Variants in LDB2 observed in about 807,000 individuals in gnomAD.
LDB2 encodes the protein LIM domain-binding protein 2.
In LDB2, 12 loss-of-function variants were observed where a neutral mutation model predicts 44.3. That is an observed-to-expected ratio of 0.27 (90% CI 0.17 to 0.44). The LOEUF is 0.44. Ranked by LOEUF, LDB2 falls within the 20% of genes least tolerant of loss-of-function variation. The pLI, the probability that LDB2 is intolerant of heterozygous loss-of-function variation, is 1.00. For missense variants in LDB2, 344 were observed against 473.5 expected (o/e 0.73, Z 2.54); for synonymous variants, 164 against 174.8 (o/e 0.94, Z 0.49).
At chr4:16,696,395 T>C (rs973211414) in intron 2 of LDB2, among the ~76,000 whole-genome samples, 1 of 152,128 alleles carries the variant, frequency 6.6e-6, no homozygotes, top group South Asian at 2.1e-4. Context: ...TTAGCCAAAA[T>C]GAAGAAAAAA....
At chr4:16,620,007 T>C (rs1578250897) in intron 2 of LDB2, among the ~76,000 whole-genome samples, 1 of 152,190 alleles carries the variant, frequency 6.6e-6, no homozygotes, top group Non-Finnish European at 1.5e-5. Context: ...CTGCAGCTAG[T>C]GTAGGAGGAT....
intron 1 of LDB2, among the ~76,000 whole-genome samples, chr4:16,862,560 G>T (rs1217395425): frequency 6.9e-6 from 1 of 143,948 alleles, no homozygotes; most frequent in East Asian, 2.1e-4. Flanking sequence ...TTGAACCCCG[G>T]AAGTGGAGGT....
At chr4:16,863,774 C>A (rs564146575) in intron 1 of LDB2, among the ~76,000 whole-genome samples, 1 of 151,166 alleles carries the variant, frequency 6.6e-6, no homozygotes, top group African/African-American at 2.4e-5. Flanking sequence ...CATTCTCCTG[C>A]CTCAGCCTTC....
intron 1 of LDB2, among the ~76,000 whole-genome samples, chr4:16,810,149 C>T (rs1011275269): frequency 6.6e-6 from 1 of 152,138 alleles, no homozygotes; most frequent in South Asian, 2.1e-4. Context: ...TTAATTCTTC[C>T]TTGCTGTCAA....
At chr4:16,881,002 C>T (rs1561526031) in intron 1 of LDB2, among the ~76,000 whole-genome samples, 1 of 151,924 alleles carries the variant, frequency 6.6e-6, no homozygotes, top group South Asian at 2.1e-4. Flanking sequence ...GTGGTGTGAC[C>T]CTCACAGTGG....
At chr4:16,633,355 G>T (rs4698499) in intron 2 of LDB2, among the ~76,000 whole-genome samples, 133,298 of 152,002 alleles carry the variant, frequency 0.88, 58,481 homozygotes, top group Admixed American at 0.93. Context: ...GTTAATGGGT[G>T]CAGCACACCA....
At chr4:16,671,789 C>T (rs10031087) in intron 2 of LDB2, among the ~76,000 whole-genome samples, 39,619 of 151,860 alleles carry the variant, frequency 0.26, 5,293 homozygotes, top group East Asian at 0.41. Flanking sequence ...TAACCATCCA[C>T]CGAGAGCTCC....
Position 16,865,565 on chromosome 4 carries a change from G to A in LDB2, c.132+32789C>T, listed in dbSNP as rs765613122. 1.1e-4 allele frequency among the ~76,000 whole-genome samples: 17 copies of A among 152,216 alleles called. 1 individual carries two copies. Among genetic ancestry groups the A allele is most frequent in the Middle Eastern group, 3.4e-3 (1 of 294 alleles). On this transcript the variant is annotated intron_variant, in intron 1 of 7. Coordinates refer to ENST00000304523, the MANE Select transcript of LDB2 (RefSeq NM_001290.5). ...GCCTCCAAGAGAAGGGCCATTTTCC[G>A]TCTGGTAAATGTGTCCATGTCCCTT...
At chr4:16,614,299 C>T (rs1283281775) in intron 2 of LDB2, among the ~76,000 whole-genome samples, 2 of 151,990 alleles carry the variant, frequency 1.3e-5, no homozygotes, top group Admixed American at 1.3e-4. Context: ...AATGTAAAAC[C>T]CAAAACCATA....
intron 2 of LDB2, among the ~76,000 whole-genome samples, chr4:16,638,845 G>A (rs966533395): frequency 8.4e-6 from 1 of 118,704 alleles, no homozygotes; most frequent in Admixed American, 9.8e-5. Context: ...AGAGCAATGT[G>A]TCCTGTGATA....
chr4:16,645,564 A>AAG (rs1736563987), intron 2 of LDB2, among the ~76,000 whole-genome samples: 1 of 140,720 alleles, frequency 7.1e-6, no homozygotes, highest in South Asian at 2.3e-4. Context: ...AAAAAAAAAA[A>AAG]GGATTGGTTA....
At position 16,758,596 on chromosome 4, in the gene LDB2, T is replaced by C. The variant is rs1348842829; in HGVS notation, c.235+562A>G. Among the ~76,000 whole-genome samples the C allele has an allele frequency of 2.6e-5, 4 of 152,324 alleles. No individual in the cohort carries two copies. The East Asian group carries it at 7.7e-4, about 29-fold the overall frequency. On this transcript the variant is annotated intron_variant, in intron 2 of 7. Coordinates refer to ENST00000304523, the MANE Select transcript of LDB2 (RefSeq NM_001290.5). ...CCACACGCTGTAATTTGAGGATCTT[T>C]ACAGAGTTATCACTCGCCTGAAAGA...
intron 2 of LDB2, among the ~76,000 whole-genome samples, chr4:16,703,060 G>T (rs1346458307): frequency 6.6e-6 from 1 of 152,122 alleles, no homozygotes. Flanking sequence ...CATTTATCCA[G>T]CGTCTTCTGT....
At chr4:16,786,519 G>A (rs960315631) in intron 1 of LDB2, among the ~76,000 whole-genome samples, 6 of 152,048 alleles carry the variant, frequency 3.9e-5, no homozygotes, top group African/African-American at 1.4e-4. Context: ...CTGGAGCCTG[G>A]GAATGCAAAC....
intron 1 of LDB2, among the ~76,000 whole-genome samples, chr4:16,888,235 A>G (rs1722323813): frequency 6.6e-6 from 1 of 152,208 alleles, no homozygotes; most frequent in South Asian, 2.1e-4. Context: ...TGGGGCCCCC[A>G]TTCAGACAGC....
At position 16,898,641 on chromosome 4, in the gene LDB2, G is replaced by A. The variant is rs1725994216; in HGVS notation, c.-156C>T. 7.7e-6 allele frequency: 3 copies of A among 388,688 alleles called. No homozygotes were observed. In the Admixed American group the frequency reaches 1.0e-4, roughly 13 times the overall value. The allele number at this position is 388,688 out of a possible 1,614,324, so 24.1% of individuals were successfully genotyped here. ...CAGGCAGGCTGAACACGCTGGCTGG[G>A]AACTGCTGTCGGAGCCCTCTATAGC... On this transcript the variant is annotated 5_prime_UTR_variant, in exon 1 of 8. Coordinates refer to ENST00000304523, the MANE Select transcript of LDB2 (RefSeq NM_001290.5).
intron 2 of LDB2, among the ~76,000 whole-genome samples, chr4:16,672,691 G>A (rs1292887050): frequency 6.6e-6 from 1 of 151,810 alleles, no homozygotes; most frequent in Non-Finnish European, 1.5e-5. Context: ...CAGGGCCTGC[G>A]GATCTCTAAT....
chr4:16,775,958 T>C (rs1771794026), intron 1 of LDB2, among the ~76,000 whole-genome samples: 1 of 152,168 alleles, frequency 6.6e-6, no homozygotes, highest in Non-Finnish European at 1.5e-5. Context: ...CTCAGAAAGC[T>C]CTCCATTTAG....
At chr4:16,732,480 A>G (rs1195351026) in intron 2 of LDB2, among the ~76,000 whole-genome samples, 1 of 152,190 alleles carries the variant, frequency 6.6e-6, no homozygotes, top group African/African-American at 2.4e-5. Flanking sequence ...TATATCGAAC[A>G]AATCACAGTG....
Sources: allele counts gnomAD v4.1 joint callset (sites outside exome capture counted in the v4.1 genomes callset), GRCh38; gene constraint gnomAD v4.1.1; transcripts MANE v1.5; gene names NCBI Gene and HGNC (gene_info 2026-07-23, HGNC 2026-07-21).